ZBBX: variants seen among roughly 807,000 people sequenced by gnomAD.
ZBBX encodes zinc finger B-box domain-containing protein 1.
A neutral mutation model predicts 108.5 loss-of-function variants in ZBBX; 101 were observed. The ratio of observed to expected loss-of-function variants is 0.93; its 90% CI spans 0.79 to 1.10. ZBBX has a LOEUF of 1.10. Ranked by LOEUF, ZBBX falls within the 50% of genes least tolerant of loss-of-function variation. The probability of loss-of-function intolerance (pLI) is 0.00; values close to 1 mark genes in which losing one functional copy is unlikely to be tolerated. For synonymous variants in ZBBX, 356 were observed against 323.4 expected (o/e 1.10, Z -1.08); for missense variants, 1,009 against 941.4 (o/e 1.07, Z -0.94).
chr3:167,252,215 G>A, intron 20 of ZBBX: 1 of 1,286,016 alleles, frequency 7.8e-7, no homozygotes, highest in Non-Finnish European at 1.0e-6. Context: ...ATGCATCCTA[G>A]AAATAGCAGA....
At chr3:167,211,781 A>T in the ZBBX span, among the ~76,000 whole-genome samples, 1 of 151,404 alleles carries the variant, frequency 6.6e-6, no homozygotes, top group African/African-American at 2.4e-5. Flanking sequence ...CCAAACCAGG[A>T]CCTCCAGCCA....
rs189810519 is a variant in ZBBX, at chr3:167,346,442, A to G, written c.528+3978T>C. ...GGTATGCTGATACAAAATGATCCAT[A>G]CTGACTAAACTCACAGGACCTACTG... On this transcript the variant is annotated intron_variant, in intron 9 of 21. Transcript: ENST00000675490. Among the ~76,000 whole-genome samples, 12 of 151,974 alleles carry G rather than the reference A, an allele frequency of 7.9e-5. No individual in the cohort carries two copies. In the East Asian group the frequency reaches 1.9e-3, roughly 24 times the overall value.
chr3:167,344,721 C>A (rs1741138629), intron 9 of ZBBX, among the ~76,000 whole-genome samples: 1 of 151,662 alleles, frequency 6.6e-6, no homozygotes, highest in South Asian at 2.1e-4. Flanking sequence ...TACTTTCCAC[C>A]AGAGCCAATC....
chr3:167,306,058 T>A, intron 16 of ZBBX, 108 bp from the exon 17 acceptor site: 1 of 840,352 alleles, frequency 1.2e-6, no homozygotes, highest in Non-Finnish European at 1.7e-6. Flanking sequence ...CAATAAACAC[T>A]ATTTCACAAA....
At position 167,286,313 on chromosome 3, in the gene ZBBX, G is replaced by T. The variant is rs1028809200; in HGVS notation, c.1996+2554C>A. Among the ~76,000 whole-genome samples the T allele has an allele frequency of 2.0e-5, 3 of 152,240 alleles. No homozygotes were observed. In the East Asian group the frequency reaches 5.8e-4, roughly 29 times the overall value. ...GGGTAGCCAACCAAGGTGTTGCTGT[G>T]TGATACATGGTAAGGCATACTTTTT... On this transcript the variant is annotated intron_variant, in intron 19 of 21. Coordinates refer to ENST00000675490, the MANE Select transcript of ZBBX (RefSeq NM_001199201.2).
intron 12 of ZBBX, among the ~76,000 whole-genome samples, chr3:167,321,208 A>G (rs1022873080): frequency 2.6e-5 from 4 of 152,126 alleles, no homozygotes; most frequent in Non-Finnish European, 5.9e-5. Context: ...AAAATCTAGC[A>G]CATTACAAAC....
At chr3:167,209,256 G>A in the ZBBX span, among the ~76,000 whole-genome samples, 2 of 152,124 alleles carry the variant, frequency 1.3e-5, no homozygotes, top group East Asian at 3.9e-4. Context: ...TGTTAGCCAG[G>A]CATTAGTTCT....
chr3:167,378,624 C>T (rs73169191), intron 2 of ZBBX, among the ~76,000 whole-genome samples: 33,854 of 152,096 alleles, frequency 0.22, 4,820 homozygotes, highest in Non-Finnish European at 0.31. Flanking sequence ...CTCCAGAGAG[C>T]TCACGGTTCA....
intron 12 of ZBBX, among the ~76,000 whole-genome samples, chr3:167,320,281 G>A (rs1326121976): frequency 3.5e-5 from 5 of 144,906 alleles, no homozygotes; most frequent in African/African-American, 5.1e-5. Flanking sequence ...CAAATCAAAA[G>A]GATGGAAGAG....
At chr3:167,365,178 G>C (rs1357568256) in intron 6 of ZBBX, among the ~76,000 whole-genome samples, 1 of 151,676 alleles carries the variant, frequency 6.6e-6, no homozygotes. Context: ...AAAAACTTTA[G>C]AAGCGCCAAG....
chr3:167,372,952 T>C lies in ZBBX; in HGVS notation c.-49-2A>G. On this transcript the variant is annotated splice_acceptor_variant, in intron 3 of 21. Coordinates refer to ENST00000675490, the MANE Select transcript of ZBBX (RefSeq NM_001199201.2). LOFTEE classifies it low-confidence loss of function (5UTR_SPLICE). Reference sequence around the variant, plus strand: ...AGTTATTCTGATTTGTAAACACTTCTGTAAAAGTAACAAAGACAAAAGAAT... The same window carrying C: ...AGTTATTCTGATTTGTAAACACTTCCGTAAAAGTAACAAAGACAAAAGAAT... 7.1e-7 allele frequency: 1 copy of C among 1,408,826 alleles called. No individual in the cohort carries two copies. Among genetic ancestry groups the C allele is most frequent in the East Asian group, 2.3e-5 (1 of 42,970 alleles). 87.3% of individuals were successfully genotyped at this position (1,408,826 alleles called of 1,614,324 possible).
chr3:167,243,586 C>T (rs1397330744), intron 20 of ZBBX, among the ~76,000 whole-genome samples: 3 of 151,792 alleles, frequency 2.0e-5, no homozygotes, highest in East Asian at 1.9e-4. Context: ...TTAGTAGAGA[C>T]GGGGTTTCTC....
At chr3:167,393,705 T>G (rs1040975794) in intron 1 of ZBBX, among the ~76,000 whole-genome samples, 1 of 151,900 alleles carries the variant, frequency 6.6e-6, no homozygotes, top group Non-Finnish European at 1.5e-5. Flanking sequence ...AAATTATTTG[T>G]CCATAATAGC....
intron 20 of ZBBX, among the ~76,000 whole-genome samples, chr3:167,278,201 A>G (rs1471085678): frequency 2.2e-5 from 3 of 135,536 alleles, no homozygotes; most frequent in African/African-American, 8.6e-5. Context: ...TAGAAAAGCA[A>G]GAGCAAACAC....
At chr3:167,220,567 G>A in the ZBBX span, among the ~76,000 whole-genome samples, 1 of 151,840 alleles carries the variant, frequency 6.6e-6, no homozygotes, top group Non-Finnish European at 1.5e-5. Context: ...AAAAAGTTAG[G>A]TATAGAGGGA....
chr3:167,242,620 A>G lies in ZBBX; in HGVS notation c.2278T>C (p.Leu760=). ...AAATCTGGGAACTCTTCTGAGGTTA[A>G]GCTGTAAAGCTTTTCTGAAGTATCT... The part of the protein sequence containing the change: ...LADTSEKLYS[L]TSEEFPDFSS... The change falls in exon 21 of 22, where the codon TTA becomes CTA. Residue 760 remains leucine, a synonymous_variant. Coordinates refer to ENST00000675490, the MANE Select transcript of ZBBX (RefSeq NM_001199201.2). 6.2e-7 allele frequency: 1 copy of G among 1,610,102 alleles called. No individual in the cohort carries two copies. Among genetic ancestry groups the G allele is most frequent in the Non-Finnish European group, 8.5e-7 (1 of 1,178,916 alleles).
the ZBBX span, among the ~76,000 whole-genome samples, chr3:167,179,607 C>T: frequency 6.6e-6 from 1 of 152,172 alleles, no homozygotes; most frequent in Non-Finnish European, 1.5e-5. Context: ...AAATGAACCA[C>T]ATATGAAGAA....
the ZBBX span, among the ~76,000 whole-genome samples, chr3:167,200,910 TG>T: frequency 6.6e-6 from 1 of 152,132 alleles, no homozygotes; most frequent in African/African-American, 2.4e-5. Context: ...GCTTTGGAAT[TG>T]GGCCTTACAA....
chr3:167,303,681 T>C (rs978701371), intron 17 of ZBBX, among the ~76,000 whole-genome samples: 3 of 152,208 alleles, frequency 2.0e-5, no homozygotes, highest in Non-Finnish European at 2.9e-5. Flanking sequence ...GTCAGTTCTA[T>C]TGGAAGTTTA....
Sources: allele counts gnomAD v4.1 joint callset (sites outside exome capture counted in the v4.1 genomes callset), GRCh38; gene constraint gnomAD v4.1.1; transcripts MANE v1.5; gene names NCBI Gene and HGNC (gene_info 2026-07-23, HGNC 2026-07-21).